Variants in EYA2 observed in about 807,000 individuals in gnomAD.
The protein encoded by EYA2 is EYA transcriptional coactivator and phosphatase 2, also known as protein phosphatase EYA2.
Under a neutral mutation model 69.2 loss-of-function variants are expected in EYA2, and 31 were observed. That is an observed-to-expected ratio of 0.45 (90% confidence interval 0.34 to 0.60). The LOEUF (loss-of-function observed/expected upper bound fraction) is 0.60, where lower values mean the gene tolerates loss of function less well. EYA2 is among the 20% of genes least tolerant of loss of function. The probability of loss-of-function intolerance (pLI) is 0.02; values close to 1 mark genes in which losing one functional copy is unlikely to be tolerated. For missense variants in EYA2, 622 were observed against 701.2 expected (o/e 0.89, Z 1.28); for synonymous variants, 257 against 279.4 (o/e 0.92, Z 0.80).
chr20:46,936,812 C>T (rs1985929246), intron 1 of EYA2, among the ~76,000 whole-genome samples: 1 of 152,136 alleles, frequency 6.6e-6, no homozygotes, highest in African/African-American at 2.4e-5. Context: ...AGAAGGCCAT[C>T]CCAGCTGGCA....
At chr20:46,924,256 T>C (rs1985303766) in intron 1 of EYA2, among the ~76,000 whole-genome samples, 1 of 152,192 alleles carries the variant, frequency 6.6e-6, no homozygotes, top group Non-Finnish European at 1.5e-5. Context: ...TGGCAGAGGC[T>C]GGGAAGGACT....
chr20:47,021,351 G>A (rs186873546), intron 5 of EYA2, among the ~76,000 whole-genome samples: 83 of 152,316 alleles, frequency 5.4e-4, no homozygotes, highest in Non-Finnish European at 9.0e-4. Flanking sequence ...AACAGGCCAA[G>A]TGCAGTGGCT....
At chr20:47,175,603 C>T (rs1269726793) in intron 12 of EYA2, among the ~76,000 whole-genome samples, 1 of 152,192 alleles carries the variant, frequency 6.6e-6, no homozygotes, top group Non-Finnish European at 1.5e-5. Flanking sequence ...CATAAGCTCT[C>T]ATTAAGTGGC....
At chr20:46,987,916 GTCTCTC>G (rs1555809755) in intron 1 of EYA2, among the ~76,000 whole-genome samples, 408 of 20,342 alleles carry the variant, frequency 0.02, 109 homozygotes, top group Non-Finnish European at 0.026. Context: ...GACAGAGTAA[GTCTCTC>G]TCTCTCTCTC....
chr20:47,181,223 A>C (rs924476454), intron 14 of EYA2, among the ~76,000 whole-genome samples: 21 of 152,230 alleles, frequency 1.4e-4, no homozygotes, highest in Non-Finnish European at 2.9e-4. Context: ...CAAAAGAGTC[A>C]AAGCTGATTT....
intron 1 of EYA2, among the ~76,000 whole-genome samples, chr20:46,970,096 G>A (rs1482022062): frequency 2.0e-5 from 3 of 152,188 alleles, no homozygotes; most frequent in Non-Finnish European, 4.4e-5. Context: ...AAGGGTCTTT[G>A]ATTTATATGG....
intron 9 of EYA2, among the ~76,000 whole-genome samples, chr20:47,128,105 G>GA (rs2033245897): frequency 6.6e-6 from 1 of 152,232 alleles, no homozygotes; most frequent in African/African-American, 2.4e-5. Flanking sequence ...GGAGCAGAGA[G>GA]AGATGGTTCT....
chr20:46,928,572 A>T (rs1457224843), intron 1 of EYA2, among the ~76,000 whole-genome samples: 2 of 152,220 alleles, frequency 1.3e-5, no homozygotes, highest in Non-Finnish European at 2.9e-5. Flanking sequence ...CAGAAACAGA[A>T]GTTGAAGCCA....
intron 1 of EYA2, among the ~76,000 whole-genome samples, chr20:46,936,576 G>A (rs1054966240): frequency 1.3e-5 from 2 of 152,166 alleles, no homozygotes; most frequent in Non-Finnish European, 2.9e-5. Flanking sequence ...TGGGTTTGGG[G>A]ATAAAAGGGC....
intron 5 of EYA2, among the ~76,000 whole-genome samples, chr20:47,071,342 C>T (rs2146471743): frequency 6.6e-6 from 1 of 152,184 alleles, no homozygotes; most frequent in Admixed American, 6.5e-5. Context: ...CAACATCTCA[C>T]TATGTTGACC....
intron 1 of EYA2, among the ~76,000 whole-genome samples, chr20:46,937,910 C>G (rs1323705889): frequency 1.3e-5 from 2 of 152,142 alleles, no homozygotes; most frequent in African/African-American, 4.8e-5. Context: ...GAGAGCATGG[C>G]ATATTAAAGG....
At chr20:47,050,953 G>A (rs1280920961) in intron 5 of EYA2, among the ~76,000 whole-genome samples, 2 of 152,248 alleles carry the variant, frequency 1.3e-5, no homozygotes, top group East Asian at 1.9e-4. Flanking sequence ...CGAGGCATTC[G>A]AGCATTGCCA....
intron 1 of EYA2, among the ~76,000 whole-genome samples, chr20:46,902,688 A>G (rs1005590835): frequency 1.3e-5 from 2 of 152,246 alleles, no homozygotes; most frequent in Non-Finnish European, 2.9e-5. Flanking sequence ...AGGTTGAGAA[A>G]GTAAGAGACG....
intron 7 of EYA2, among the ~76,000 whole-genome samples, chr20:47,083,371 G>T (rs963943644): frequency 2.6e-5 from 4 of 152,148 alleles, no homozygotes; most frequent in Non-Finnish European, 5.9e-5. Flanking sequence ...GAGGTCAGGA[G>T]TTCAAGATCA....
intron 12 of EYA2, among the ~76,000 whole-genome samples, chr20:47,176,653 C>T (rs901160677): frequency 1.3e-5 from 2 of 152,182 alleles, no homozygotes; most frequent in African/African-American, 4.8e-5. Flanking sequence ...AAAGAACAAC[C>T]AACCAAAAAA....
At chr20:47,178,829 A>ATGGATGGATATTGGGTGGG (rs2034476387) in intron 12 of EYA2, among the ~76,000 whole-genome samples, 1 of 149,450 alleles carries the variant, frequency 6.7e-6, no homozygotes, top group African/African-American at 2.5e-5. Context: ...GGGTGGGTGG[A>ATGGATGGATATTGGGTGGG]TGGATGGATA....
intron 14 of EYA2, among the ~76,000 whole-genome samples, chr20:47,181,545 G>A (rs574547827): frequency 3.5e-4 from 53 of 152,202 alleles, no homozygotes; most frequent in African/African-American, 1.2e-3. Flanking sequence ...GATTCATACT[G>A]TCACTCAATC....
chr20:46,966,923 CT>C (rs1282408869), intron 1 of EYA2, among the ~76,000 whole-genome samples: 1 of 152,016 alleles, frequency 6.6e-6, no homozygotes, highest in Non-Finnish European at 1.5e-5. Context: ...CATTATTTTA[CT>C]TTTTTTGTAT....
intron 14 of EYA2, among the ~76,000 whole-genome samples, chr20:47,181,824 T>C (rs1327059378): frequency 6.6e-6 from 1 of 152,200 alleles, no homozygotes; most frequent in Non-Finnish European, 1.5e-5. Flanking sequence ...TGCCTTTTGA[T>C]TTTAAAATTA....
Sources: allele counts gnomAD v4.1 joint callset (sites outside exome capture counted in the v4.1 genomes callset), GRCh38; gene constraint gnomAD v4.1.1; transcripts MANE v1.5; gene names NCBI Gene and HGNC (gene_info 2026-07-23, HGNC 2026-07-21).